ADCY9: variants seen among roughly 807,000 people sequenced by gnomAD.
The protein encoded by ADCY9 is adenylate cyclase 9, also known as adenylate cyclase type 9.
In ADCY9, 50 loss-of-function variants were observed where a neutral mutation model predicts 101.5. The ratio of observed to expected loss-of-function variants is 0.49; its 90% CI spans 0.39 to 0.62. The LOEUF (loss-of-function observed/expected upper bound fraction) is 0.62. Ranked by LOEUF, ADCY9 falls within the 20% of genes least tolerant of loss-of-function variation. The pLI, the probability that ADCY9 is intolerant of heterozygous loss-of-function variation, is 0.00. For missense variants in ADCY9, 1,662 were observed against 1,800.4 expected, an observed-to-expected ratio of 0.92 and a Z score of 1.39; for synonymous variants, 905 against 769.3, an observed-to-expected ratio of 1.18 and a Z score of -2.92.
Position 3,989,005 on chromosome 16 carries a change from A to G in ADCY9, c.2299T>C (p.Tyr767His). The change falls in exon 6 of 11, where the codon TAT becomes CAT. Residue 767 changes from tyrosine (Y) to histidine (H), a missense_variant. Tyr to His is a moderately conservative substitution (Grantham distance 83, BLOSUM62 2). Around this residue, in one of 5 missense-constraint regions of ADCY9, gnomAD observed 624 missense variants for 639.1 expected, o/e 0.98. Coordinates refer to ENST00000294016, the MANE Select transcript of ADCY9 (RefSeq NM_001116.4). ...QELERSYRTS[Y>H]QEEVIKNSPV... ...AGAAATGAACGCACCTCTTCCTGATAGCTGGTCCTGTAGGATCGCTCCAGC... is the reference window on the plus strand; with the variant it reads ...AGAAATGAACGCACCTCTTCCTGATGGCTGGTCCTGTAGGATCGCTCCAGC... 1.2e-6 allele frequency: 2 copies of G among 1,613,138 alleles called. No homozygotes were observed. Among genetic ancestry groups the G allele is most frequent in the Non-Finnish European group, 8.5e-7 (1 of 1,179,092 alleles).
chr16:4,051,453 G>A (rs533311293), intron 2 of ADCY9, among the ~76,000 whole-genome samples: 3 of 151,972 alleles, frequency 2.0e-5, no homozygotes, highest in South Asian at 4.2e-4. Flanking sequence ...GAACCCGGGA[G>A]GCGGAGCTTG....
intron 2 of ADCY9, among the ~76,000 whole-genome samples, chr16:4,103,128 G>A (rs1274573463): frequency 6.6e-6 from 1 of 152,212 alleles, no homozygotes; most frequent in African/African-American, 2.4e-5. Flanking sequence ...ATGAACTAAG[G>A]TCACTTGCTA....
intron 3 of ADCY9, among the ~76,000 whole-genome samples, chr16:3,996,224 T>G (rs368398914): frequency 3.3e-5 from 5 of 152,158 alleles, no homozygotes; most frequent in African/African-American, 7.2e-5. Flanking sequence ...TAGCTGACCT[T>G]GATGGCACGT....
At chr16:4,023,050 CA>C (rs1408508782) in intron 2 of ADCY9, among the ~76,000 whole-genome samples, 1 of 152,124 alleles carries the variant, frequency 6.6e-6, no homozygotes, top group African/African-American at 2.4e-5. Flanking sequence ...GGTCCATCTG[CA>C]AACAGCGTGG....
At chr16:4,082,718 G>GCA (rs1287013043) in intron 2 of ADCY9, among the ~76,000 whole-genome samples, 1 of 149,876 alleles carries the variant, frequency 6.7e-6, no homozygotes, top group African/African-American at 2.5e-5. Flanking sequence ...ACGCATGCAC[G>GCA]CACACACATG....
chr16:4,014,090 G>C (rs1021491497), intron 2 of ADCY9, among the ~76,000 whole-genome samples: 2 of 152,072 alleles, frequency 1.3e-5, no homozygotes, highest in African/African-American at 4.8e-5. Flanking sequence ...AGGCCGAGAC[G>C]GGAGCATCAG....
Position 4,094,926 on chromosome 16 carries a change from T to C in ADCY9, c.1693+18824A>G, listed in dbSNP as rs73492563. ...TTAAGAGGGAAATTATGCTTCTGAA[T>C]GAAAAAAATAAAATCATTCAAAACT... is the stretch of plus-strand genomic sequence containing the variant. On this transcript the variant is annotated intron_variant, in intron 2 of 10. Transcript: ENST00000294016. 4.1e-3 allele frequency among the ~76,000 whole-genome samples: 626 copies of C among 151,426 alleles called. 1 individual carries two copies. Among genetic ancestry groups the C allele is most frequent in the African/African-American group, 0.014 (589 of 41,324 alleles).
At chr16:4,016,473 C>A (rs1299624547) in intron 2 of ADCY9, among the ~76,000 whole-genome samples, 3 of 152,104 alleles carry the variant, frequency 2.0e-5, no homozygotes, top group Admixed American at 2.0e-4. Context: ...TCAGGTCACA[C>A]CTGCAGCAGG....
At position 4,114,316 on chromosome 16, in the gene ADCY9, T is replaced by G. The variant is rs1480318921; in HGVS notation, c.1127A>C (p.Gln376Pro). The change falls in exon 2 of 11, where the codon CAA becomes CCA. Residue 376 changes from glutamine to proline, a missense_variant. By Grantham distance (76) the Gln-to-Pro change is moderately conservative. Around this residue, in one of 5 missense-constraint regions of ADCY9, gnomAD observed 228 missense variants for 301.1 expected, o/e 0.76. Coordinates refer to ENST00000294016, the MANE Select transcript of ADCY9 (RefSeq NM_001116.4). The surrounding 1 kb of genome is among the most constrained non-coding windows in gnomAD (Gnocchi z 4.3). ...PKNRKKKSSI[Q>P]KAPIAFRPFK... Reference sequence around the variant, plus strand: ...AGGGCGGAAGGCTATAGGAGCTTTTTGGATGGAAGACTTTTTCTTCCTGTT... The same window carrying G: ...AGGGCGGAAGGCTATAGGAGCTTTTGGGATGGAAGACTTTTTCTTCCTGTT... 2 of 1,613,964 alleles carry G rather than the reference T, an allele frequency of 1.2e-6. No individual in the cohort carries two copies. Among genetic ancestry groups the G allele is most frequent in the Admixed American group, 3.3e-5 (2 of 60,030 alleles).
At position 4,113,803 on chromosome 16, in the gene ADCY9, T is replaced by A. The variant is rs545435610; in HGVS notation, c.1640A>T (p.Asp547Val). Residue 547 changes from aspartate (D) to valine (V), a missense_variant, in exon 2 of 11, where the codon GAT (aspartate) becomes GTT (valine). Asp to Val is a radical substitution (Grantham distance 152). Transcript: ENST00000294016. ...KYLDDRYEMEDGKVIERLGQS... is the reference protein window; with the variant it reads ...KYLDDRYEMEVGKVIERLGQS... ...GCCCAGCCGTTCAATAACTTTCCCA[T>A]CTTCCATTTCGTACCGGTCATCTAA... 3.7e-6 allele frequency: 6 copies of A among 1,614,060 alleles called. No individual in the cohort carries two copies. Among genetic ancestry groups the A allele is most frequent in the Middle Eastern group, 1.7e-4 (1 of 6,054 alleles).
intron 10 of ADCY9, among the ~76,000 whole-genome samples, chr16:3,972,996 T>C (rs746834637): frequency 3.0e-4 from 45 of 152,212 alleles, no homozygotes; most frequent in Non-Finnish European, 2.8e-4. Context: ...TCATCACTCA[T>C]TCATTATATC....
At chr16:4,110,084 C>T (rs1048107766) in intron 2 of ADCY9, among the ~76,000 whole-genome samples, 5 of 152,198 alleles carry the variant, frequency 3.3e-5, no homozygotes, top group Admixed American at 1.3e-4. Context: ...GGAGCCCCCT[C>T]TAAAGCGCTC....
chr16:4,042,267 A>G (rs1042605103), intron 2 of ADCY9, among the ~76,000 whole-genome samples: 3 of 151,926 alleles, frequency 2.0e-5, no homozygotes, highest in Non-Finnish European at 2.9e-5. Flanking sequence ...GGGTTTTCCT[A>G]TGTTGCACAG....
intron 2 of ADCY9, among the ~76,000 whole-genome samples, chr16:4,050,041 AAAG>A (rs1376934837): frequency 2.6e-5 from 4 of 152,016 alleles, no homozygotes. Context: ...AAAAAAAAAA[AAAG>A]AACTATCCCG....
chr16:4,075,977 A>G (rs1455167982), intron 2 of ADCY9, among the ~76,000 whole-genome samples: 2 of 152,344 alleles, frequency 1.3e-5, no homozygotes, highest in African/African-American at 4.8e-5. Context: ...TAAGTGACAG[A>G]TATCTAGTTA....
At position 4,035,998 on chromosome 16, in the gene ADCY9, CAAAAAAAAA is replaced by C. The variant is rs55792873; in HGVS notation, c.1694-28449_1694-28441del. Among the ~76,000 whole-genome samples the C allele has an allele frequency of 1.4e-3, 33 of 23,166 alleles. 1 individual carries two copies. The East Asian group carries it at 0.017, about 12-fold the overall frequency. The allele number at this position is 23,166 out of a possible 152,430, so 15.2% of individuals were successfully genotyped here. ...TGGGCAAATGAGTGAAACTCCATCT[CAAAAAAAAA>C]AAAAAAAAAAAAAAAAAAGATTCCA... On this transcript the variant is annotated intron_variant, in intron 2 of 10. Transcript: ENST00000294016.
At position 4,070,538 on chromosome 16, in the gene ADCY9, G is replaced by A. The variant is rs556770626; in HGVS notation, c.1693+43212C>T. Among the ~76,000 whole-genome samples the A allele has an allele frequency of 3.3e-5, 5 of 152,056 alleles. No homozygotes were observed. The East Asian group carries it at 9.6e-4, about 29-fold the overall frequency. On this transcript the variant is annotated intron_variant, in intron 2 of 10. Transcript: ENST00000294016. ...CACCTAACAGAAATTAAAACTGGCT[G>A]GGCCTGGTGGCTCACACCTGTAATC... is the stretch of plus-strand genomic sequence containing the variant.
chr16:4,082,525 G>C (rs1289122667), intron 2 of ADCY9, among the ~76,000 whole-genome samples: 4 of 152,022 alleles, frequency 2.6e-5, no homozygotes, highest in African/African-American at 9.7e-5. Context: ...TTCTGCTTGG[G>C]GTATCTCCCT....
chr16:4,053,700 T>C (rs1052348012), intron 2 of ADCY9, among the ~76,000 whole-genome samples: 3 of 152,218 alleles, frequency 2.0e-5, no homozygotes, highest in Non-Finnish European at 2.9e-5. Context: ...GGGGACCCGA[T>C]TGCAAAGCTG....
Sources: gnomAD v4.1 joint callset for allele counts (sites outside exome capture counted in the v4.1 genomes callset) on GRCh38, gnomAD v4.1.1 for gene constraint, gnomAD v4.1.1 regional missense constraint, Gnocchi (gnomAD v3.1) non-coding constraint, MANE v1.5 for transcripts, NCBI Gene and HGNC (gene_info 2026-07-23, HGNC 2026-07-21) for gene names.